The following KAZN variants were observed in gnomAD, a reference collection of about 807,000 sequenced individuals.
The protein encoded by KAZN is kazrin.
A neutral mutation model predicts 87.4 loss-of-function variants in KAZN; 40 were observed. That is an observed-to-expected ratio of 0.46 (90% confidence interval 0.36 to 0.60). The LOEUF (loss-of-function observed/expected upper bound fraction) is 0.60, where lower values mean the gene tolerates loss of function less well. KAZN is among the 20% of genes least tolerant of loss of function. The pLI is 0.00. For synonymous variants in KAZN, 466 were observed against 458.3 expected (o/e 1.02, Z -0.22); for missense variants, 898 against 1,073.9 (o/e 0.84, Z 2.29).
At chr1:14,870,684 G>T (rs1395593207) in intron 1 of KAZN, among the ~76,000 whole-genome samples, 2 of 152,154 alleles carry the variant, frequency 1.3e-5, no homozygotes, top group African/African-American at 4.8e-5. Context: ...ACTCCCTCAT[G>T]AGCTGCTGTG....
intron 2 of KAZN, among the ~76,000 whole-genome samples, chr1:14,515,829 TTCTCCTGGAAA>T (rs1671269836): frequency 6.6e-6 from 1 of 152,058 alleles, no homozygotes; most frequent in South Asian, 2.1e-4. Flanking sequence ...TGGTTCTTAC[TTCTCCTGGAAA>T]TGCTTCTGTT....
At chr1:14,265,174 T>C (rs1651377387) in intron 2 of KAZN, among the ~76,000 whole-genome samples, 1 of 152,184 alleles carries the variant, frequency 6.6e-6, no homozygotes, top group Non-Finnish European at 1.5e-5. Context: ...TTAGTAGGTT[T>C]CTAAATAACG....
chr1:15,091,688 G>A (rs1337781831), intron 8 of KAZN, among the ~76,000 whole-genome samples: 3 of 152,288 alleles, frequency 2.0e-5, no homozygotes, highest in South Asian at 2.1e-4. Context: ...ATGTTTTCCC[G>A]TGACAGGACT....
chr1:15,111,445 C>A (rs1166181951), intron 13 of KAZN, among the ~76,000 whole-genome samples: 1 of 152,038 alleles, frequency 6.6e-6, no homozygotes, highest in East Asian at 1.9e-4. Context: ...CCAGCTAATT[C>A]TTTTTGTAAT....
intron 2 of KAZN, among the ~76,000 whole-genome samples, chr1:15,034,112 C>T (rs1372786531): frequency 6.6e-6 from 1 of 152,102 alleles, no homozygotes; most frequent in Non-Finnish European, 1.5e-5. Context: ...AGATAGAAGC[C>T]GCTTATGAGA....
chr1:14,462,709 T>A (rs188032439), intron 2 of KAZN, among the ~76,000 whole-genome samples: 122 of 152,292 alleles, frequency 8.0e-4, no homozygotes, highest in Admixed American at 3.1e-3. Context: ...ACATCTTACC[T>A]GGATGGTGGA....
intron 1 of KAZN, among the ~76,000 whole-genome samples, chr1:14,715,424 A>C (rs1177542600): frequency 6.6e-6 from 1 of 152,232 alleles, no homozygotes; most frequent in African/African-American, 2.4e-5. Context: ...CTTGGCACCA[A>C]AGAATGGCAC....
intron 1 of KAZN, among the ~76,000 whole-genome samples, chr1:14,915,937 T>C (rs1657768961): frequency 2.0e-5 from 3 of 152,316 alleles, no homozygotes; most frequent in Admixed American, 2.0e-4. Context: ...ACGTGGGCTT[T>C]AGTCCTGCTT....
At chr1:14,898,407 G>C (rs747945861) in intron 1 of KAZN, among the ~76,000 whole-genome samples, 1 of 152,222 alleles carries the variant, frequency 6.6e-6, no homozygotes, top group African/African-American at 2.4e-5. Flanking sequence ...TGTGTGGCAA[G>C]AGCGAGATAC....
chr1:14,021,021 G>C (rs1186710277), intron 1 of KAZN, among the ~76,000 whole-genome samples: 1 of 152,162 alleles, frequency 6.6e-6, no homozygotes, highest in Non-Finnish European at 1.5e-5. Flanking sequence ...AAGCAAGGTG[G>C]TGATTTTGGC....
intron 2 of KAZN, among the ~76,000 whole-genome samples, chr1:14,488,825 C>T (rs763740534): frequency 2.8e-4 from 42 of 152,204 alleles, no homozygotes; most frequent in Non-Finnish European, 5.4e-4. Context: ...TCCCATCACC[C>T]CTTGGCCCCG....
intron 2 of KAZN, among the ~76,000 whole-genome samples, chr1:15,028,945 C>A (rs1274102605): frequency 6.6e-6 from 1 of 152,160 alleles, no homozygotes; most frequent in Non-Finnish European, 1.5e-5. Context: ...TGTAAGGCAT[C>A]CCCGGCTGGG....
chr1:14,447,316 G>A (rs1227694940), intron 2 of KAZN, among the ~76,000 whole-genome samples: 2 of 150,886 alleles, frequency 1.3e-5, no homozygotes, highest in African/African-American at 2.4e-5. Context: ...TCAGCTCACT[G>A]CAAGCTCCAC....
chr1:13,987,070 G>T (rs901585459), intron 1 of KAZN, among the ~76,000 whole-genome samples: 1 of 152,202 alleles, frequency 6.6e-6, no homozygotes. Flanking sequence ...TTTACCTGTT[G>T]TGGGATTTAT....
chr1:14,284,095 G>T (rs1653054514), intron 2 of KAZN, among the ~76,000 whole-genome samples: 1 of 151,944 alleles, frequency 6.6e-6, no homozygotes, highest in Non-Finnish European at 1.5e-5. Flanking sequence ...TGCCTAGGGT[G>T]GGGATGGGAG....
chr1:14,734,885 C>G (rs1643847192), intron 1 of KAZN, among the ~76,000 whole-genome samples: 1 of 152,198 alleles, frequency 6.6e-6, no homozygotes, highest in Non-Finnish European at 1.5e-5. Flanking sequence ...TTGAGGAGCA[C>G]TTTTAGTTCC....
intron 2 of KAZN, among the ~76,000 whole-genome samples, chr1:14,572,417 G>A (rs1674925987): frequency 6.6e-6 from 1 of 152,166 alleles, no homozygotes; most frequent in Non-Finnish European, 1.5e-5. Context: ...AGGCTTCCTG[G>A]GTGAAAATAG....
chr1:14,196,350 G>T (rs1376335710), intron 2 of KAZN, among the ~76,000 whole-genome samples: 1 of 152,160 alleles, frequency 6.6e-6, no homozygotes, highest in African/African-American at 2.4e-5. Context: ...AGGGCCTAAG[G>T]AATGGAAACT....
At chr1:14,335,605 A>G (rs1657198969) in intron 2 of KAZN, among the ~76,000 whole-genome samples, 1 of 152,152 alleles carries the variant, frequency 6.6e-6, no homozygotes, top group African/African-American at 2.4e-5. Context: ...AGGTCCTCAC[A>G]GAAGCCAAGC....
Sources: allele counts gnomAD v4.1 joint callset (sites outside exome capture counted in the v4.1 genomes callset), GRCh38; gene constraint gnomAD v4.1.1; transcripts MANE v1.5; gene names NCBI Gene and HGNC (gene_info 2026-07-23, HGNC 2026-07-21).